Variants in SLC25A26 observed in about 807,000 individuals in gnomAD.
The protein encoded by SLC25A26 is solute carrier family 25 member 26.
A neutral mutation model predicts 37.8 loss-of-function variants in SLC25A26; 36 were observed. That is an observed-to-expected ratio of 0.95 (90% CI 0.73 to 1.26). SLC25A26 has a LOEUF of 1.26. Among genes scored for constraint, SLC25A26 ranks in the 50% most tolerant of loss-of-function variants. SLC25A26 has a pLI of 0.00. For missense variants in SLC25A26, 390 were observed against 331.1 expected (o/e 1.18, Z -1.38); for synonymous variants, 129 against 122.5 (o/e 1.05, Z -0.35).
intron 5 of SLC25A26, among the ~76,000 whole-genome samples, chr3:66,295,514 G>C (rs966589309): frequency 6.7e-6 from 1 of 149,998 alleles, no homozygotes; most frequent in East Asian, 2.0e-4. Flanking sequence ...CCATTCTTCT[G>C]CCTCAGCCTC....
chr3:66,155,800 C>T (rs1328528857), intron 1 of SLC25A26, among the ~76,000 whole-genome samples: 1 of 152,126 alleles, frequency 6.6e-6, no homozygotes, highest in African/African-American at 2.4e-5. Context: ...CTCCCTACTT[C>T]CCTCTTCTCC....
intron 1 of SLC25A26, among the ~76,000 whole-genome samples, chr3:66,192,476 T>C (rs1319377614): frequency 6.6e-6 from 1 of 152,148 alleles, no homozygotes; most frequent in Non-Finnish European, 1.5e-5. Flanking sequence ...CTTCCCAGCC[T>C]CCAGAACTGT....
chr3:66,252,333 G>C (rs1234373017), intron 3 of SLC25A26, among the ~76,000 whole-genome samples: 1 of 152,206 alleles, frequency 6.6e-6, no homozygotes, highest in African/African-American at 2.4e-5. Context: ...CACCGAATAA[G>C]AAATTTGATC....
intron 5 of SLC25A26, among the ~76,000 whole-genome samples, chr3:66,317,836 T>C (rs2075582305): frequency 6.6e-6 from 1 of 152,166 alleles, no homozygotes; most frequent in South Asian, 2.1e-4. Flanking sequence ...AGGGAGGCAC[T>C]ACCCAGTGAG....
At chr3:66,304,604 G>C in intron 5 of SLC25A26, 1 of 351,212 alleles carries the variant, frequency 2.8e-6, no homozygotes, top group Non-Finnish European at 5.7e-6. Context: ...TGGTTCACTG[G>C]TGCTTTCAGG....
upstream of SLC25A26, among the ~76,000 whole-genome samples, chr3:66,216,953 C>T (rs2071370994): frequency 6.6e-6 from 1 of 152,102 alleles, no homozygotes; most frequent in Non-Finnish European, 1.5e-5. Flanking sequence ...GAAAAGGAAG[C>T]CCTAGGTCAT....
intron 5 of SLC25A26, among the ~76,000 whole-genome samples, chr3:66,300,113 C>T (rs1278165236): frequency 1.3e-5 from 2 of 152,098 alleles, no homozygotes; most frequent in Admixed American, 6.5e-5. Context: ...TTTCAAAATG[C>T]CCGTGTAAAA....
At chr3:66,200,174 G>T (rs1328760073) in intron 1 of SLC25A26, among the ~76,000 whole-genome samples, 2 of 152,104 alleles carry the variant, frequency 1.3e-5, no homozygotes, top group African/African-American at 4.8e-5. Context: ...TTATCCCTAT[G>T]GCAGTCGATG....
chr3:66,210,806 G>A (rs914745602), intron 1 of SLC25A26, among the ~76,000 whole-genome samples: 4 of 119,044 alleles, frequency 3.4e-5, no homozygotes, highest in Non-Finnish European at 3.6e-5. Flanking sequence ...AAGCTACTGC[G>A]CCCGGCCTCG....
chr3:66,316,669 G>A (rs918286837), intron 5 of SLC25A26, among the ~76,000 whole-genome samples: 3 of 152,098 alleles, frequency 2.0e-5, no homozygotes, highest in Non-Finnish European at 4.4e-5. Context: ...GGCTTATCTT[G>A]CTAGGTTGAG....
intron 7 of SLC25A26, among the ~76,000 whole-genome samples, chr3:66,368,318 G>A (rs1344828604): frequency 2.6e-5 from 4 of 152,072 alleles, no homozygotes; most frequent in African/African-American, 7.2e-5. Context: ...GGGCCTCTTC[G>A]GATTTAGAAT....
chr3:66,220,980 G>A, upstream of SLC25A26: 1 of 1,118,044 alleles, frequency 8.9e-7, no homozygotes, highest in African/African-American at 1.6e-5. Context: ...TCTACGTCAC[G>A]TGGTCCCGGA....
At chr3:66,238,108 T>C (rs922733468) in intron 2 of SLC25A26, among the ~76,000 whole-genome samples, 5 of 152,232 alleles carry the variant, frequency 3.3e-5, no homozygotes. Context: ...AGCATAGTTT[T>C]AAGTACGTGA....
chr3:66,378,000 T>C lies in SLC25A26; in HGVS notation c.*193T>C. ...GTCATTGGCCTGTATGCCAGAGAGC[T>C]AAGAGAAGAAAACGGGGTCTGTGGC... On this transcript the variant is annotated 3_prime_UTR_variant, in exon 10 of 10. Coordinates refer to ENST00000354883, the MANE Select transcript of SLC25A26 (RefSeq NM_001379210.1). 1 of 522,476 alleles carries C rather than the reference T, an allele frequency of 1.9e-6. No homozygotes were observed. Among genetic ancestry groups the C allele is most frequent in the Admixed American group, 3.1e-5 (1 of 31,806 alleles). 32.4% of individuals were successfully genotyped at this position (522,476 alleles called of 1,614,324 possible). A position where few individuals can be genotyped will look rare whatever the true frequency, so the allele number is the denominator to read the frequency against.
At chr3:66,300,251 G>GGTTTTTTTTTTTT (rs1553688691) in intron 5 of SLC25A26, among the ~76,000 whole-genome samples, 8 of 111,608 alleles carry the variant, frequency 7.2e-5, no homozygotes, top group Non-Finnish European at 1.5e-4. Context: ...GGGTTTTTTT[G>GGTTTTTTTTTTTT]TTTTGTTTTT....
At position 66,170,897 on chromosome 3, in the gene SLC25A26, G is replaced by A. The variant is rs867816646; in HGVS notation, c.-354+36913G>A. On this transcript the variant is annotated intron_variant, in intron 1 of 10. Coordinates refer to the SLC25A26 transcript ENST00000676754. ...CGGCTCACTGCAAGCTCCGCCTCCC[G>A]GGTTCACGCCATTCTCCTGCCTCAG... 6.3e-3 allele frequency among the ~76,000 whole-genome samples: 857 copies of A among 136,482 alleles called. 11 individuals are homozygous for A. Among genetic ancestry groups the A allele is most frequent in the African/African-American group, 0.021 (762 of 36,688 alleles). The allele number at this position is 136,482 out of a possible 152,430, so 89.5% of individuals were successfully genotyped here.
chr3:66,370,626 C>T (rs1251072203), intron 9 of SLC25A26, 24 bp downstream of exon 9: 1 of 1,595,316 alleles, frequency 6.3e-7, no homozygotes. Context: ...TGCCCTCCTT[C>T]CTTTCTTCCT....
At chr3:66,238,430 T>C (rs782275782) in intron 2 of SLC25A26, among the ~76,000 whole-genome samples, 2 of 152,130 alleles carry the variant, frequency 1.3e-5, no homozygotes, top group Non-Finnish European at 2.9e-5. Flanking sequence ...CCCCCCAGGC[T>C]GGAGTGCAGT....
At chr3:66,200,099 A>G (rs2071090183) in intron 1 of SLC25A26, among the ~76,000 whole-genome samples, 1 of 152,224 alleles carries the variant, frequency 6.6e-6, no homozygotes, top group Non-Finnish European at 1.5e-5. Flanking sequence ...ATCTATTACA[A>G]TGAGGTAAAA....
Sources: allele counts gnomAD v4.1 joint callset (sites outside exome capture counted in the v4.1 genomes callset), GRCh38; gene constraint gnomAD v4.1.1; transcripts MANE v1.5; gene names NCBI Gene and HGNC (gene_info 2026-07-23, HGNC 2026-07-21).